Variants in RTN1 observed in about 807,000 individuals in gnomAD.
RTN1 encodes the protein reticulon 1.
In RTN1, 25 loss-of-function variants were observed where a neutral mutation model predicts 65.5. The ratio of observed to expected loss-of-function variants is 0.38; its 90% CI spans 0.28 to 0.53. The LOEUF (loss-of-function observed/expected upper bound fraction) is 0.53, where lower values mean the gene tolerates loss of function less well. Ranked by LOEUF, RTN1 falls within the 20% of genes least tolerant of loss-of-function variation. The pLI, the probability that RTN1 is intolerant of heterozygous loss-of-function variation, is 0.79. For missense variants in RTN1, 983 were observed against 1,025.4 expected (o/e 0.96, Z 0.57); for synonymous variants, 471 against 447.6 (o/e 1.05, Z -0.66).
intron 1 of RTN1, among the ~76,000 whole-genome samples, chr14:59,824,660 T>C (rs1886999565): frequency 6.6e-6 from 1 of 152,228 alleles, no homozygotes; most frequent in Non-Finnish European, 1.5e-5. Flanking sequence ...CTGGAGCCCT[T>C]CACTTTTATT....
At chr14:59,755,371 T>A (rs1885617243) in intron 1 of RTN1, among the ~76,000 whole-genome samples, 1 of 152,132 alleles carries the variant, frequency 6.6e-6, no homozygotes, top group Non-Finnish European at 1.5e-5. Flanking sequence ...TTAAAAAGTG[T>A]GGGCATAATA....
intron 3 of RTN1, among the ~76,000 whole-genome samples, chr14:59,638,447 A>G (rs1430622058): frequency 6.6e-6 from 1 of 152,202 alleles, no homozygotes; most frequent in African/African-American, 2.4e-5. Flanking sequence ...TAGACAGAGT[A>G]GAGTAGATTT....
chr14:59,838,594 G>GA (rs1182836997), intron 1 of RTN1, among the ~76,000 whole-genome samples: 1 of 151,896 alleles, frequency 6.6e-6, no homozygotes, highest in Non-Finnish European at 1.5e-5. Flanking sequence ...CCAGAAAACT[G>GA]AAAAAAATTA....
At chr14:59,744,005 T>G (rs1320461937) in intron 2 of RTN1, among the ~76,000 whole-genome samples, 2 of 152,154 alleles carry the variant, frequency 1.3e-5, no homozygotes, top group Admixed American at 1.3e-4. Context: ...AATTTGAAAA[T>G]CAGGGACCTG....
At chr14:59,717,590 C>G (rs192231215) in intron 3 of RTN1, among the ~76,000 whole-genome samples, 1 of 152,098 alleles carries the variant, frequency 6.6e-6, no homozygotes, top group Non-Finnish European at 1.5e-5. Context: ...ACTGTTGGGG[C>G]CTTTGTTCTA....
intron 3 of RTN1, among the ~76,000 whole-genome samples, chr14:59,644,776 C>G (rs997911422): frequency 6.6e-6 from 1 of 152,000 alleles, no homozygotes; most frequent in African/African-American, 2.4e-5. Flanking sequence ...GTTTCACAGC[C>G]TTGGCTGTCG....
At chr14:59,708,291 T>C (rs1339508396) in intron 3 of RTN1, among the ~76,000 whole-genome samples, 1 of 152,246 alleles carries the variant, frequency 6.6e-6, no homozygotes, top group African/African-American at 2.4e-5. Flanking sequence ...GCTTCTCTGA[T>C]TTCCATAGCA....
At chr14:59,731,481 A>G (rs1030286185) in intron 2 of RTN1, among the ~76,000 whole-genome samples, 1 of 152,186 alleles carries the variant, frequency 6.6e-6, no homozygotes, top group African/African-American at 2.4e-5. Context: ...TGAATTGTAT[A>G]GTATATGGAT....
At chr14:59,845,854 G>GA (rs80332309) in intron 1 of RTN1, among the ~76,000 whole-genome samples, 2,964 of 151,878 alleles carry the variant, frequency 0.02, 117 homozygotes, top group East Asian at 0.18. Flanking sequence ...TCAAGGCCCA[G>GA]AAAAAGAAGC....
intron 3 of RTN1, among the ~76,000 whole-genome samples, chr14:59,690,337 A>G (rs1358790028): frequency 6.6e-6 from 1 of 152,106 alleles, no homozygotes; most frequent in Non-Finnish European, 1.5e-5. Context: ...ATCATATAAG[A>G]ATAAAAAAGG....
At chr14:59,624,805 T>C (rs1289529452) in intron 3 of RTN1, among the ~76,000 whole-genome samples, 1 of 152,172 alleles carries the variant, frequency 6.6e-6, no homozygotes, top group Non-Finnish European at 1.5e-5. Context: ...ATATCAACAA[T>C]ACATGGGTGC....
At chr14:59,715,889 C>A (rs567448738) in intron 3 of RTN1, among the ~76,000 whole-genome samples, 39 of 151,492 alleles carry the variant, frequency 2.6e-4, no homozygotes, top group African/African-American at 8.0e-4. Context: ...AACAAATTGA[C>A]AATTAGACTA....
chr14:59,704,797 A>T (rs1388586854), intron 3 of RTN1, among the ~76,000 whole-genome samples: 1 of 152,154 alleles, frequency 6.6e-6, no homozygotes, highest in Non-Finnish European at 1.5e-5. Flanking sequence ...GGACACTGTG[A>T]TCAGGAAGAA....
At chr14:59,830,806 A>C (rs1367126204) in intron 1 of RTN1, among the ~76,000 whole-genome samples, 1 of 152,214 alleles carries the variant, frequency 6.6e-6, no homozygotes, top group Non-Finnish European at 1.5e-5. Flanking sequence ...ATGAGTTAAC[A>C]TATGTAAAGC....
intron 1 of RTN1, among the ~76,000 whole-genome samples, chr14:59,850,531 T>C (rs1479043203): frequency 6.6e-6 from 1 of 152,202 alleles, no homozygotes; most frequent in Non-Finnish European, 1.5e-5. Context: ...TTGAGGACCA[T>C]ATACATTTCG....
intron 1 of RTN1, among the ~76,000 whole-genome samples, chr14:59,796,872 G>A (rs887571443): frequency 2.0e-5 from 3 of 152,090 alleles, no homozygotes; most frequent in African/African-American, 4.8e-5. Flanking sequence ...TGAAGGCGGC[G>A]ATTTTATCCT....
intron 1 of RTN1, among the ~76,000 whole-genome samples, chr14:59,800,446 G>T (rs553496462): frequency 6.6e-6 from 1 of 152,202 alleles, no homozygotes; most frequent in East Asian, 1.9e-4. Context: ...TGTCCCCCAG[G>T]CTGGAGGGCA....
At chr14:59,820,708 C>T (rs1279395681) in intron 1 of RTN1, among the ~76,000 whole-genome samples, 1 of 152,136 alleles carries the variant, frequency 6.6e-6, no homozygotes, top group Non-Finnish European at 1.5e-5. Flanking sequence ...CATGGAGTCC[C>T]TCACATGACA....
chr14:59,855,536 T>C (rs1430100961), intron 1 of RTN1, among the ~76,000 whole-genome samples: 9 of 152,248 alleles, frequency 5.9e-5, no homozygotes, highest in Admixed American at 5.2e-4. Flanking sequence ...TTGTGATGGC[T>C]ACATTAAAAT....
Sources: allele counts gnomAD v4.1 joint callset (sites outside exome capture counted in the v4.1 genomes callset), GRCh38; gene constraint gnomAD v4.1.1; transcripts MANE v1.5; gene names NCBI Gene and HGNC (gene_info 2026-07-23, HGNC 2026-07-21).